Variants in DENND2A observed in about 807,000 individuals in gnomAD.
DENND2A encodes the protein DENN domain-containing protein 2A.
A neutral mutation model predicts 105.3 loss-of-function variants in DENND2A; 53 were observed. That is an observed-to-expected ratio of 0.50 (90% CI 0.40 to 0.63). The LOEUF (loss-of-function observed/expected upper bound fraction) is 0.63. Ranked by LOEUF, DENND2A falls within the 30% of genes least tolerant of loss-of-function variation. DENND2A has a pLI of 0.00. For synonymous variants in DENND2A, 522 were observed against 508.4 expected (o/e 1.03, Z -0.36); for missense variants, 1,138 against 1,279.6 (o/e 0.89, Z 1.69).
intron 14 of DENND2A, chr7:140,543,470 G>A (rs1325020292): frequency 6.6e-6 from 1 of 152,070 alleles, no homozygotes; most frequent in Non-Finnish European, 1.5e-5. Context: ...ATAGCAGAGT[G>A]TATGACACAT....
chr7:140,573,657 A>G, intron 6 of DENND2A, 151 bp downstream of exon 6: 2 of 881,312 alleles, frequency 2.3e-6, no homozygotes, highest in Non-Finnish European at 3.5e-6. Flanking sequence ...CGGATATTCC[A>G]GCCTGCTGGC....
chr7:140,544,504 C>CT, intron 14 of DENND2A, 114 bp downstream of exon 14: 1 of 1,412,512 alleles, frequency 7.1e-7, no homozygotes, highest in East Asian at 2.3e-5. Flanking sequence ...CTATTCCATC[C>CT]TTATCTCAGA....
intron 1 of DENND2A, among the ~76,000 whole-genome samples, chr7:140,610,742 C>A (rs1201958502): frequency 6.6e-6 from 1 of 152,202 alleles, no homozygotes; most frequent in Non-Finnish European, 1.5e-5. Flanking sequence ...GTCCCAAGGG[C>A]AGTTCTCACA....
chr7:140,598,890 A>C (rs947963971), intron 3 of DENND2A, among the ~76,000 whole-genome samples: 1 of 152,210 alleles, frequency 6.6e-6, no homozygotes, highest in Non-Finnish European at 1.5e-5. Flanking sequence ...TAAATAAACA[A>C]ACAAGAGGTT....
chr7:140,539,405 G>A (rs1796569183), intron 14 of DENND2A, among the ~76,000 whole-genome samples: 1 of 152,170 alleles, frequency 6.6e-6, no homozygotes, highest in Non-Finnish European at 1.5e-5. Context: ...GCCCTGAGGA[G>A]AAAAGCACAG....
chr7:140,618,956 G>A (rs917023920), intron 1 of DENND2A, among the ~76,000 whole-genome samples: 1 of 152,104 alleles, frequency 6.6e-6, no homozygotes, highest in East Asian at 1.9e-4. Context: ...CCGCCTCCAC[G>A]CCCAGCTAAT....
chr7:140,620,733 A>G (rs1208894295), intron 1 of DENND2A, among the ~76,000 whole-genome samples: 1 of 152,134 alleles, frequency 6.6e-6, no homozygotes, highest in Non-Finnish European at 1.5e-5. Flanking sequence ...CTTTGCCATC[A>G]TATCTCCTGA....
At chr7:140,542,095 C>T (rs1796685353) in intron 14 of DENND2A, among the ~76,000 whole-genome samples, 1 of 152,016 alleles carries the variant, frequency 6.6e-6, no homozygotes, top group Non-Finnish European at 1.5e-5. Context: ...ATGGACTTCT[C>T]AGGTGGCCTC....
intron 5 of DENND2A, among the ~76,000 whole-genome samples, chr7:140,579,095 AC>A (rs1441393750): frequency 6.6e-6 from 1 of 152,050 alleles, no homozygotes; most frequent in East Asian, 2.0e-4. Context: ...AGAGATCGAG[AC>A]CATCTGGCCA....
intron 18 of DENND2A, among the ~76,000 whole-genome samples, chr7:140,521,155 C>T (rs572343752): frequency 8.4e-4 from 128 of 152,264 alleles, no homozygotes; most frequent in Non-Finnish European, 1.4e-3. Flanking sequence ...GGATTACAGG[C>T]GTGAGCCACC....
intron 14 of DENND2A, among the ~76,000 whole-genome samples, chr7:140,529,420 T>C (rs902890455): frequency 2.0e-5 from 3 of 152,152 alleles, no homozygotes; most frequent in Non-Finnish European, 4.4e-5. Context: ...AGAAATACCA[T>C]TTGACCCAGC....
At chr7:140,591,671 C>CTCTTTCTTTCTTTCTTTCTTTCTT (rs890090370) in intron 3 of DENND2A, among the ~76,000 whole-genome samples, 19 of 146,234 alleles carry the variant, frequency 1.3e-4, no homozygotes, top group African/African-American at 4.4e-4. Flanking sequence ...TTCTTTCTTT[C>CTCTTTCTTTCTTTCTTTCTTTCTT]TCTTTCTTTC....
chr7:140,554,857 A>G (rs1293810532), intron 12 of DENND2A, among the ~76,000 whole-genome samples: 1 of 152,202 alleles, frequency 6.6e-6, no homozygotes, highest in African/African-American at 2.4e-5. Flanking sequence ...TTATATGAAT[A>G]TTTTGATAAA....
chr7:140,636,091 G>C (rs1800920034), intron 1 of DENND2A, among the ~76,000 whole-genome samples: 1 of 152,146 alleles, frequency 6.6e-6, no homozygotes, highest in South Asian at 2.1e-4. Flanking sequence ...GGTACAAGTG[G>C]AGGCTGTCTG....
chr7:140,613,630 G>T (rs1439242445), intron 1 of DENND2A, among the ~76,000 whole-genome samples: 1 of 151,104 alleles, frequency 6.6e-6, no homozygotes, highest in African/African-American at 2.4e-5. Context: ...CTGCCTATGG[G>T]GTAGCCCTGC....
chr7:140,605,125 T>TCCTA (rs1799644821), intron 2 of DENND2A, among the ~76,000 whole-genome samples: 1 of 152,160 alleles, frequency 6.6e-6, no homozygotes, highest in African/African-American at 2.4e-5. Flanking sequence ...GCCGCAACTG[T>TCCTA]CCTACGAGTC....
intron 3 of DENND2A, among the ~76,000 whole-genome samples, chr7:140,594,638 G>A (rs926721661): frequency 2.6e-5 from 4 of 152,170 alleles, no homozygotes; most frequent in African/African-American, 4.8e-5. Context: ...CAGAGTCTCC[G>A]TCTATCTCGC....
chr7:140,628,696 C>G (rs1049179957), intron 1 of DENND2A, among the ~76,000 whole-genome samples: 12 of 151,912 alleles, frequency 7.9e-5, no homozygotes, highest in African/African-American at 2.7e-4. Flanking sequence ...TGCGCCACCA[C>G]GCCCGGCCAA....
chr7:140,603,488 T>C (rs181119342), intron 2 of DENND2A, among the ~76,000 whole-genome samples: 2 of 152,354 alleles, frequency 1.3e-5, no homozygotes, highest in East Asian at 3.9e-4. Context: ...AATGATTGGA[T>C]GCATCTGAAC....
Sources: allele counts gnomAD v4.1 joint callset (sites outside exome capture counted in the v4.1 genomes callset), GRCh38; gene constraint gnomAD v4.1.1; transcripts MANE v1.5; gene names NCBI Gene and HGNC (gene_info 2026-07-23, HGNC 2026-07-21).